Variants in ZNF615 observed in about 807,000 individuals in gnomAD.
ZNF615 encodes the protein zinc finger protein 615.
ZNF615 carries 15 observed loss-of-function variants against 15.3 expected under a neutral mutation model. The ratio of observed to expected loss-of-function variants is 0.98; its 90% CI spans 0.66 to 1.51. The LOEUF (loss-of-function observed/expected upper bound fraction) is 1.51. Among genes scored for constraint, ZNF615 ranks in the 40% most tolerant of loss-of-function variants. The pLI is 0.00. For missense variants in ZNF615, 848 were observed against 895.9 expected (o/e 0.95, Z 0.68); for synonymous variants, 268 against 294.6 (o/e 0.91, Z 0.92).
At chr19:52,006,459 GTTTCACTTCAAAATCCACT>G (rs1342268631) in intron 2 of ZNF615, among the ~76,000 whole-genome samples, 6 of 152,070 alleles carry the variant, frequency 3.9e-5, no homozygotes, top group African/African-American at 9.7e-5. Flanking sequence ...ATCCACTTTT[GTTTCACTTCAAAATCCACT>G]TTTACTCTAC....
In ZNF615 at chr19:51,993,674, T is replaced by C; in HGVS notation, c.1435A>G (p.Lys479Glu). 6.2e-7 allele frequency: 1 copy of C among 1,614,158 alleles called. No homozygotes were observed. The highest frequency in any genetic ancestry group is 8.5e-7 in the Non-Finnish European group (1 of 1,180,010). The change falls in exon 7 of 7, where the codon AAG (lysine) becomes GAG (glutamate). Residue 479 changes from lysine to glutamate, a missense_variant. By Grantham distance (56) the Lys-to-Glu change is moderately conservative (BLOSUM62 1). Transcript: ENST00000598071. ...CTECRKGFTM[K>E]SDLIVHQRTH... The stretch of plus-strand genomic sequence containing the variant: ...CGCTGATGTACAATGAGGTCACTCT[T>C]CATGGTGAAACCTTTTCGACATTCG...
intron 6 of ZNF615, among the ~76,000 whole-genome samples, chr19:51,999,787 T>A (rs1272850101): frequency 1.3e-5 from 2 of 152,198 alleles, no homozygotes; most frequent in Non-Finnish European, 2.9e-5. Flanking sequence ...AGAAATAATA[T>A]ACGATATTAA....
At chr19:52,005,436 T>C (rs954734480) in intron 2 of ZNF615, among the ~76,000 whole-genome samples, 1 of 152,342 alleles carries the variant, frequency 6.6e-6, no homozygotes, top group Admixed American at 6.5e-5. Flanking sequence ...TAAAAAATTA[T>C]TTCCATGTTA....
chr19:52,006,844 G>A lies in ZNF615; in HGVS notation c.-190+449C>T, dbSNP rs1193209027. Among the ~76,000 whole-genome samples the A allele has an allele frequency of 2.6e-5, 4 of 152,168 alleles. No homozygotes were observed. The East Asian group carries it at 7.7e-4, about 29-fold the overall frequency. On this transcript the variant is annotated intron_variant, in intron 2 of 6. Coordinates refer to ENST00000598071, the MANE Select transcript of ZNF615 (RefSeq NM_001199324.2). Reference sequence around the variant, plus strand: ...TATGTTAGGCAGAGAGAAAAATATTGTAATACTAAGAATTAAGATGACCAA... The same window carrying A: ...TATGTTAGGCAGAGAGAAAAATATTATAATACTAAGAATTAAGATGACCAA...
rs2086805724 is a variant in ZNF615, at chr19:52,008,079, C to T, written c.-228+62G>A. The stretch of plus-strand genomic sequence containing the variant: ...TCCATCACCACTGTCCACGAACACG[C>T]CCAGCCACGGACAGAATTTCCTCCC... On this transcript the variant is annotated intron_variant, in intron 1 of 6. Coordinates refer to ENST00000598071, the MANE Select transcript of ZNF615 (RefSeq NM_001199324.2). 7.4e-6 allele frequency: 11 copies of T among 1,485,150 alleles called. No individual in the cohort carries two copies. The East Asian group carries it at 2.7e-4, about 37-fold the overall frequency. The allele number at this position is 1,485,150 out of a possible 1,614,324, so 92.0% of individuals were successfully genotyped here.
rs1227036568 is a variant in ZNF615, at chr19:51,997,740, A to G, written c.271+2606T>C. On this transcript the variant is annotated intron_variant, in intron 6 of 6. Transcript: ENST00000598071. The stretch of plus-strand genomic sequence containing the variant: ...ATAGTTTATGCTAGCAATGTGATTT[A>G]TGGTGGACACCTGGTTTTGCATGTC... 2.0e-5 allele frequency among the ~76,000 whole-genome samples: 3 copies of G among 152,324 alleles called. No homozygotes were observed. The East Asian group carries it at 5.8e-4, about 29-fold the overall frequency.
chr19:52,005,313 G>A lies in ZNF615; in HGVS notation c.-189-1413C>T, dbSNP rs888499662. On this transcript the variant is annotated intron_variant, in intron 2 of 6. Coordinates refer to ENST00000598071, the MANE Select transcript of ZNF615 (RefSeq NM_001199324.2). ...AAGTAGGAGGATGGCAAATGAAAAC[G>A]TATTTTAAGATATCTGCATAGCAGA... 2.0e-5 allele frequency among the ~76,000 whole-genome samples: 3 copies of A among 152,188 alleles called. No individual in the cohort carries two copies. The South Asian group carries it at 6.2e-4, about 32-fold the overall frequency.
At position 51,994,017 on chromosome 19, in the gene ZNF615, G is replaced by T. The variant is rs770120062; in HGVS notation, c.1092C>A (p.Phe364Leu). The change falls in exon 7 of 7, where the codon TTC becomes TTA. Residue 364 changes from phenylalanine to leucine, a missense_variant. By Grantham distance (22) the Phe-to-Leu change is conservative. Transcript: ENST00000598071. ...PYICSECGKG[F>L]IEKRRLTAHH... ...GTGCAGTAAGACGCCTCTTCTCAAT[G>T]AAGCCTTTTCCACATTCACTACATA... 4.3e-6 allele frequency: 7 copies of T among 1,612,412 alleles called. No individual in the cohort carries two copies. The highest frequency in any genetic ancestry group is 5.9e-6 in the Non-Finnish European group (7 of 1,179,112).
At chr19:52,008,062 C>T in intron 1 of ZNF615, 79 bp downstream of exon 1, 1 of 1,365,050 alleles carries the variant, frequency 7.3e-7, no homozygotes, top group Non-Finnish European at 1.0e-6. Context: ...AGTCCATCAC[C>T]ACTGTCCACG....
rs1161257912 is a variant in ZNF615, at chr19:51,993,729, T to C, written c.1380A>G (p.Thr460=). ...LKSPLIRHQR[T]HTGEKPYVCT... is the part of the protein sequence containing the mutation. ...ATACATAGGGTTTCTCTCCAGTATG[T>C]GTTCGCTGATGTCTGATGAGTGGGC... Residue 460 remains threonine (T), a synonymous_variant, in exon 7 of 7, where the codon ACA becomes ACG. Coordinates refer to ENST00000598071, the MANE Select transcript of ZNF615 (RefSeq NM_001199324.2). The C allele has an allele frequency of 5.6e-6, 9 of 1,613,122 alleles. No individual in the cohort carries two copies. In the South Asian group the frequency reaches 8.8e-5, roughly 16 times the overall value.
In ZNF615 at chr19:51,993,161, G is replaced by C. The variant is rs1405794431; in HGVS notation, c.1948C>G (p.Leu650Val). ...GTGTGAAATCGCTGATGTTGTATGA[G>C]GCATGTCTTCTTCCTGAAGGTTTTA... ...CDKTFRKKTC[L>V]IQHQRFHTGK... Residue 650 changes from leucine to valine, a missense_variant, in exon 7 of 7, where the codon CTC becomes GTC. Coordinates refer to ENST00000598071, the MANE Select transcript of ZNF615 (RefSeq NM_001199324.2). The C allele has an allele frequency of 3.1e-6, 5 of 1,614,070 alleles. No homozygotes were observed. In the African/African-American group the frequency reaches 6.7e-5, roughly 22 times the overall value.
rs552494717 is a variant in ZNF615, at chr19:52,001,835, T to G, written c.216A>C (p.Glu72Asp). The G allele has an allele frequency of 6.2e-7, 1 of 1,614,120 alleles. No individual in the cohort carries two copies. The highest frequency in any genetic ancestry group is 1.3e-5 in the African/African-American group (1 of 75,024). ...CACCAGAACAGATTCGAGAGTAGAT[T>G]TCATCTTCTGTTGTGCAAGTTTCTT... ...RGEETCTTED[E>D]IYSRICSDSG... Residue 72 changes from glutamate (E) to aspartate (D), a missense_variant, in exon 5 of 7, where the codon GAA (glutamate) becomes GAC (aspartate). By Grantham distance (45) the Glu-to-Asp change is conservative. Coordinates refer to ENST00000598071, the MANE Select transcript of ZNF615 (RefSeq NM_001199324.2).
chr19:52,001,012 C>T (rs1424877902), intron 5 of ZNF615, among the ~76,000 whole-genome samples: 4 of 151,662 alleles, frequency 2.6e-5, no homozygotes, highest in Admixed American at 6.6e-5. Context: ...AATCAGAGAC[C>T]AGGTTATCAT....
At chr19:52,003,985 C>A (rs2086678376) in intron 2 of ZNF615, 85 bp from the exon 3 acceptor site, 6 of 914,072 alleles carry the variant, frequency 6.6e-6, no homozygotes, top group Non-Finnish European at 7.1e-6. Context: ...TAAATCAAGG[C>A]CCCCAAATAT....
At chr19:52,007,586 G>A (rs920943752) in intron 1 of ZNF615, among the ~76,000 whole-genome samples, 4 of 152,126 alleles carry the variant, frequency 2.6e-5, no homozygotes, top group African/African-American at 9.7e-5. Flanking sequence ...CAGGGCTGGG[G>A]CTAACCCATC....
chr19:52,001,426 T>A (rs1385867327), intron 5 of ZNF615, among the ~76,000 whole-genome samples: 2 of 152,030 alleles, frequency 1.3e-5, no homozygotes, highest in African/African-American at 4.8e-5. Flanking sequence ...AAGACCATCC[T>A]GGCCAATATG....
rs182193262 is a variant in ZNF615, at chr19:51,992,622, T to C, written c.*258A>G. ...GAATTAGTAGTTTATTCATGATCTA[T>C]GATCACTTCTGAGGGGGTTTATCTT... On this transcript the variant is annotated 3_prime_UTR_variant, in exon 7 of 7. Coordinates refer to ENST00000598071, the MANE Select transcript of ZNF615 (RefSeq NM_001199324.2). 2.4e-6 allele frequency: 1 copy of C among 418,202 alleles called. No individual in the cohort carries two copies. The highest frequency in any genetic ancestry group is 3.9e-5 in the East Asian group (1 of 25,958). The allele number at this position is 418,202 out of a possible 1,614,324, so 25.9% of individuals were successfully genotyped here.
rs1172310589 is a variant in ZNF615 at position 51,996,385 on chromosome 19, C to CAAAAAAAAAAAAAAAAAAAAAAAAA, written c.272-1549_272-1548insTTTTTTTTTTTTTTTTTTTTTTTTT. 3.6e-4 allele frequency among the ~76,000 whole-genome samples: 12 copies of CAAAAAAAAAAAAAAAAAAAAAAAAA among 33,310 alleles called. 1 individual carries two copies. The highest frequency in any genetic ancestry group is 4.8e-4 in the African/African-American group (4 of 8,360). 21.9% of individuals were successfully genotyped at this position (33,310 alleles called of 152,430 possible). On this transcript the variant is annotated intron_variant, in intron 6 of 6. Transcript: ENST00000598071. ...GGGGTGACACAGCAAGACTCTGTCTCAAAAAAAAAAAAAAAAAAAAAAACG... is the reference window on the plus strand; with the variant it reads ...GGGGTGACACAGCAAGACTCTGTCTCAAAAAAAAAAAAAAAAAAAAAAAAAAAAAAAAAAAAAAAAAAAAAAAACG...
chr19:51,994,678 TG>T lies in ZNF615; in HGVS notation c.430del (p.His144MetfsTer5), dbSNP rs751879630. On this transcript the variant is annotated frameshift_variant, in exon 7 of 7. Transcript: ENST00000598071. LOFTEE classifies it low-confidence loss of function (END_TRUNC). ...LKQDCDTFDL[H>X]EKPLKSNLSF... The stretch of plus-strand genomic sequence containing the variant: ...TAAATTTGATTTTAAAGGTTTTTCA[TG>T]TAAGTCAAACGTATCACAATCTTGC... The T allele has an allele frequency of 3.3e-5, 53 of 1,613,478 alleles. No individual in the cohort carries two copies. The highest frequency in any genetic ancestry group is 4.2e-5 in the Non-Finnish European group (50 of 1,179,978).
Sources: gnomAD v4.1 joint callset for allele counts (sites outside exome capture counted in the v4.1 genomes callset) on GRCh38, gnomAD v4.1.1 for gene constraint, MANE v1.5 for transcripts, NCBI Gene and HGNC (gene_info 2026-07-23, HGNC 2026-07-21) for gene names.